TRAPPC9: variants seen among roughly 807,000 people sequenced by gnomAD.
TRAPPC9 encodes the protein IKK2 binding protein.
Under a neutral mutation model 124.0 loss-of-function variants are expected in TRAPPC9, and 83 were observed. The ratio of observed to expected loss-of-function variants is 0.67; its 90% CI spans 0.56 to 0.80. The LOEUF is 0.80. TRAPPC9 is among the 30% of genes least tolerant of loss of function. The pLI is 0.00. For missense variants in TRAPPC9, 1,302 were observed against 1,508.3 expected, an observed-to-expected ratio of 0.86 and a Z score of 2.27; for synonymous variants, 638 against 617.5, an observed-to-expected ratio of 1.03 and a Z score of -0.49.
At chr8:140,225,637 A>G (rs2063433029) in intron 16 of TRAPPC9, among the ~76,000 whole-genome samples, 1 of 152,162 alleles carries the variant, frequency 6.6e-6, no homozygotes, top group South Asian at 2.1e-4. Context: ...CTAGCATGTT[A>G]CCCCAGGAAC....
intron 6 of TRAPPC9, among the ~76,000 whole-genome samples, chr8:140,399,551 C>T (rs185935760): frequency 1.5e-4 from 23 of 152,320 alleles, no homozygotes; most frequent in Admixed American, 7.8e-4. Flanking sequence ...CTCTGGGTTT[C>T]GGACTTACAT....
At position 139,736,826 on chromosome 8, in the gene TRAPPC9, C is replaced by T. The variant is rs150583237; in HGVS notation, c.3056-4624G>A. Among the ~76,000 whole-genome samples the T allele has an allele frequency of 1.6e-4, 25 of 152,292 alleles. No individual in the cohort carries two copies. In the East Asian group the frequency reaches 3.3e-3, roughly 20 times the overall value. On this transcript the variant is annotated intron_variant, in intron 21 of 22. Transcript: ENST00000438773. ...CAATTCGCTTCTCTGACTCTGGGCC[C>T]GAACAAGCGGTGTCCAGTCCTGGGG...
intron 18 of TRAPPC9, among the ~76,000 whole-genome samples, chr8:140,001,441 G>A (rs1838398427): frequency 6.6e-6 from 1 of 151,872 alleles, no homozygotes. Context: ...CTTAAAGGAA[G>A]CATAAGAAGG....
chr8:140,412,860 A>C (rs933807570), intron 5 of TRAPPC9, among the ~76,000 whole-genome samples: 1 of 151,926 alleles, frequency 6.6e-6, no homozygotes, highest in Non-Finnish European at 1.5e-5. Flanking sequence ...AACATATACA[A>C]CTGGGAATAT....
chr8:140,283,815 TAAA>T (rs368141971), intron 14 of TRAPPC9, 71 bp downstream of exon 14: 123 of 1,374,334 alleles, frequency 8.9e-5, no homozygotes, highest in Middle Eastern at 1.9e-4. Flanking sequence ...TTTGTGCCAT[TAAA>T]AAAAAAAAAA....
chr8:140,188,177 T>TG (rs2062394274), intron 17 of TRAPPC9, among the ~76,000 whole-genome samples: 1 of 152,206 alleles, frequency 6.6e-6, no homozygotes, highest in African/African-American at 2.4e-5. Flanking sequence ...AGGTTGAGGG[T>TG]GGGGGAGATT....
chr8:140,391,707 T>C (rs1279164945), intron 7 of TRAPPC9, among the ~76,000 whole-genome samples: 7 of 127,748 alleles, frequency 5.5e-5, no homozygotes, highest in African/African-American at 1.9e-4. Context: ...AGCGAAACTC[T>C]GTCTCAAAAA....
intron 15 of TRAPPC9, among the ~76,000 whole-genome samples, chr8:140,253,896 G>C (rs374150458): frequency 6.6e-6 from 1 of 152,086 alleles, no homozygotes; most frequent in Non-Finnish European, 1.5e-5. Context: ...AGGTTTCTTC[G>C]TGTGTAAAAT....
chr8:139,961,517 G>A lies in TRAPPC9; in HGVS notation c.2810+27209C>T, dbSNP rs1047047568. On this transcript the variant is annotated intron_variant, in intron 19 of 22. Coordinates refer to ENST00000438773, the MANE Select transcript of TRAPPC9 (RefSeq NM_001160372.4). The stretch of plus-strand genomic sequence containing the variant: ...TACAGCCACTGAAACTGCAGCTATG[G>A]AGCCAAGCCTCCCTGTGCTCTCAGG... Among the ~76,000 whole-genome samples, 12 of 124,268 alleles carry A rather than the reference G, an allele frequency of 9.7e-5. 4 individuals are homozygous for A. The highest frequency in any genetic ancestry group is 3.0e-4 in the African/African-American group (12 of 39,346). The allele number at this position is 124,268 out of a possible 152,430, so 81.5% of individuals were successfully genotyped here. A position where few individuals can be genotyped will look rare whatever the true frequency, so the allele number is the denominator to read the frequency against.
At chr8:139,793,421 C>T (rs535226325) in intron 21 of TRAPPC9, among the ~76,000 whole-genome samples, 2 of 152,312 alleles carry the variant, frequency 1.3e-5, no homozygotes, top group South Asian at 2.1e-4. Context: ...GGCTCCACCC[C>T]AGCAGCATTT....
At chr8:139,745,712 G>A (rs962130706) in intron 21 of TRAPPC9, among the ~76,000 whole-genome samples, 1 of 152,238 alleles carries the variant, frequency 6.6e-6, no homozygotes, top group East Asian at 1.9e-4. Context: ...AGCAGGACAG[G>A]GAGGCAAAGG....
At chr8:139,749,234 G>T (rs1819152463) in intron 21 of TRAPPC9, among the ~76,000 whole-genome samples, 1 of 152,050 alleles carries the variant, frequency 6.6e-6, no homozygotes, top group Non-Finnish European at 1.5e-5. Flanking sequence ...AGCACATCCA[G>T]CCCCCAGCAA....
intron 19 of TRAPPC9, among the ~76,000 whole-genome samples, chr8:139,988,275 G>C (rs1344605471): frequency 3.3e-5 from 5 of 151,804 alleles, no homozygotes; most frequent in African/African-American, 1.2e-4. Flanking sequence ...ACCATGCCCG[G>C]GTAGTTTTTG....
rs758447417 is a variant in TRAPPC9, at chr8:140,024,087, A to G, written c.2557-8T>C. 2 of 1,613,194 alleles carry G rather than the reference A, an allele frequency of 1.2e-6. No individual in the cohort carries two copies. The highest frequency in any genetic ancestry group is 1.3e-5 in the African/African-American group (1 of 74,746). On this transcript the variant is annotated splice_region_variant and splice_polypyrimidine_tract_variant and intron_variant, in intron 17 of 22. Coordinates refer to ENST00000438773, the MANE Select transcript of TRAPPC9 (RefSeq NM_001160372.4). ...CAGGACAGCTTCCAGGGTCTAAAAG[A>G]TATTAAAAAAAAAAATACACACACA...
At chr8:140,357,918 C>T (rs936184381) in intron 9 of TRAPPC9, among the ~76,000 whole-genome samples, 14 of 152,192 alleles carry the variant, frequency 9.2e-5, no homozygotes, top group Non-Finnish European at 2.9e-5. Context: ...GCACGGCTGT[C>T]GCAGGGGCCC....
chr8:139,748,535 A>T (rs931981951), intron 21 of TRAPPC9, among the ~76,000 whole-genome samples: 1 of 149,062 alleles, frequency 6.7e-6, no homozygotes. Flanking sequence ...GAGGGTGTGC[A>T]GGGGTCAGAG....
chr8:140,125,651 G>A lies in TRAPPC9; in HGVS notation c.2556+95808C>T, dbSNP rs2061080834. Among the ~76,000 whole-genome samples the A allele has an allele frequency of 2.2e-5, 3 of 137,248 alleles. No homozygotes were observed. In the South Asian group the frequency reaches 7.0e-4, roughly 32 times the overall value. The allele number at this position is 137,248 out of a possible 152,430, so 90.0% of individuals were successfully genotyped here. A position where few individuals can be genotyped will look rare whatever the true frequency, so the allele number is the denominator to read the frequency against. The stretch of plus-strand genomic sequence containing the variant: ...GCTCTGTCACCCAGGCTGGAGTGCA[G>A]TGGCGCGATCTCGGCTCACCACAAG... On this transcript the variant is annotated intron_variant, in intron 17 of 22. Transcript: ENST00000438773.
intron 16 of TRAPPC9, among the ~76,000 whole-genome samples, chr8:140,232,167 G>A (rs1216366434): frequency 6.6e-6 from 1 of 151,886 alleles, no homozygotes; most frequent in Non-Finnish European, 1.5e-5. Flanking sequence ...CAAACTCCTA[G>A]GCTCAAACGA....
intron 17 of TRAPPC9, among the ~76,000 whole-genome samples, chr8:140,067,998 A>G (rs1390161105): frequency 8.1e-6 from 1 of 124,154 alleles, no homozygotes; most frequent in East Asian, 2.3e-4. Context: ...AAGTAAAACA[A>G]GCGGATTTAT....
Sources: allele counts gnomAD v4.1 joint callset (sites outside exome capture counted in the v4.1 genomes callset), GRCh38; gene constraint gnomAD v4.1.1; transcripts MANE v1.5; gene names NCBI Gene and HGNC (gene_info 2026-07-23, HGNC 2026-07-21).